LAMC3: variants seen among roughly 807,000 people sequenced by gnomAD.
The protein encoded by LAMC3 is laminin subunit gamma-3.
Under a neutral mutation model 173.8 loss-of-function variants are expected in LAMC3, and 128 were observed. The ratio of observed to expected loss-of-function variants is 0.74; its 90% CI spans 0.64 to 0.85. The LOEUF is 0.85. Ranked by LOEUF, LAMC3 falls within the 40% of genes least tolerant of loss-of-function variation. LAMC3 has a pLI of 0.00. For synonymous variants in LAMC3, 897 were observed against 909.1 expected (o/e 0.99, Z 0.24); for missense variants, 2,022 against 2,156.0 (o/e 0.94, Z 1.23).
rs61062373 is a variant in LAMC3, at chr9:131,034,939, A to ATTATTTATTTATTTAT, written c.810-1216_810-1201dup. ...TGTACTGCTGTAAACACCTGAGATG[A>ATTATTTATTTATTTAT]TTATTTATTTATTTATTTATTTATT... On this transcript the variant is annotated intron_variant, in intron 3 of 27. Coordinates refer to ENST00000361069, the MANE Select transcript of LAMC3 (RefSeq NM_006059.4). Among the ~76,000 whole-genome samples the ATTATTTATTTATTTAT allele has an allele frequency of 4.7e-3, 708 of 150,566 alleles. 4 individuals are homozygous for ATTATTTATTTATTTAT. Among genetic ancestry groups the ATTATTTATTTATTTAT allele is most frequent in the African/African-American group, 0.016 (665 of 40,916 alleles).
chr9:131,086,438 G>A (rs892616496), intron 25 of LAMC3, among the ~76,000 whole-genome samples: 1 of 144,506 alleles, frequency 6.9e-6, no homozygotes, highest in Admixed American at 6.9e-5. Context: ...TAGAGACAGG[G>A]TCTCTGTCGC....
In LAMC3 at chr9:131,087,490, G is replaced by A; in HGVS notation, c.4245G>A (p.Leu1415=). The A allele has an allele frequency of 1.2e-6, 2 of 1,613,814 alleles. No individual in the cohort carries two copies. Among genetic ancestry groups the A allele is most frequent in the Non-Finnish European group, 1.7e-6 (2 of 1,180,028 alleles). ...CCATCCCATAGCTTGCCAAGGCCTT[G>A]CTGAGGGAGCGGAAACAGGCGCACC... The part of the protein sequence containing the change: ...AKDSAKLAKA[L]LRERKQAHRR... Residue 1415 remains leucine (L), a synonymous_variant, in exon 26 of 28, where the codon TTG becomes TTA. Coordinates refer to ENST00000361069, the MANE Select transcript of LAMC3 (RefSeq NM_006059.4).
At chr9:131,066,906 T>C in intron 13 of LAMC3, 54 bp from the exon 14 acceptor site, 1 of 1,602,244 alleles carries the variant, frequency 6.2e-7, no homozygotes. Context: ...CCCACCCTCA[T>C]CCCTGGTGGG....
chr9:131,045,434 A>T (rs1834136522), intron 7 of LAMC3, 90 bp from the exon 8 acceptor site: 1 of 1,441,192 alleles, frequency 6.9e-7, no homozygotes, highest in Non-Finnish European at 9.7e-7. Flanking sequence ...GTGATTCTAG[A>T]CTCTCATTGG....
intron 2 of LAMC3, among the ~76,000 whole-genome samples, chr9:131,030,406 A>G (rs1022562114): frequency 6.6e-6 from 1 of 152,010 alleles, no homozygotes; most frequent in Admixed American, 6.6e-5. Flanking sequence ...GAGGTGGGAG[A>G]CCTTGGGCAG....
At chr9:131,024,150 CTT>C (rs34368388) in intron 1 of LAMC3, among the ~76,000 whole-genome samples, 14 of 131,470 alleles carry the variant, frequency 1.1e-4, no homozygotes, top group Non-Finnish European at 1.5e-4. Flanking sequence ...GAAGTTTTAG[CTT>C]TTTTTTTTTT....
chr9:131,038,719 T>C (rs1833987742), intron 4 of LAMC3, 145 bp from the exon 5 acceptor site: 2 of 858,366 alleles, frequency 2.3e-6, no homozygotes, highest in East Asian at 4.8e-5. Flanking sequence ...TTGATCAAGC[T>C]GGGCCTGAAC....
At chr9:131,016,358 G>T (rs1234260242) in intron 1 of LAMC3, among the ~76,000 whole-genome samples, 3 of 152,154 alleles carry the variant, frequency 2.0e-5, no homozygotes, top group African/African-American at 7.2e-5. Flanking sequence ...TGTGAGCTGT[G>T]CAAATGGGTA....
chr9:131,037,511 G>C (rs1446042176), intron 4 of LAMC3, among the ~76,000 whole-genome samples: 1 of 152,106 alleles, frequency 6.6e-6, no homozygotes, highest in South Asian at 2.1e-4. Flanking sequence ...TGCAGCTAAG[G>C]CTCTTTTCTT....
In LAMC3 at chr9:131,041,733, C is replaced by T. The variant is rs775776705; in HGVS notation, c.1380C>T (p.Asp460=). Residue 460 remains aspartate, a splice_region_variant and synonymous_variant, in exon 7 of 28, where the codon GAC becomes GAT. Coordinates refer to ENST00000361069, the MANE Select transcript of LAMC3 (RefSeq NM_006059.4). ...AGAATGTGGAAGGCAACCTATGTGA[C>T]AGGTTTGTGAGCTAATCCAGCAGTA... ...CKENVEGNLC[D]RCRPGTFNLQ... is the part of the protein sequence containing the mutation. 1.1e-5 allele frequency: 17 copies of T among 1,612,946 alleles called. 1 individual carries two copies. The South Asian group carries it at 1.6e-4, about 16-fold the overall frequency.
chr9:131,014,132 G>A (rs1333078133), intron 1 of LAMC3, among the ~76,000 whole-genome samples: 1 of 152,240 alleles, frequency 6.6e-6, no homozygotes, highest in East Asian at 1.9e-4. Flanking sequence ...ACTAATCCAG[G>A]AGATGCAGGG....
intron 23 of LAMC3, 109 bp downstream of exon 23, chr9:131,079,407 C>A: frequency 7.2e-7 from 1 of 1,379,488 alleles, no homozygotes. Context: ...AGAAGTAGCT[C>A]TGTCCGGCCG....
At chr9:131,020,841 T>TC (rs1264195382) in intron 1 of LAMC3, among the ~76,000 whole-genome samples, 5 of 151,998 alleles carry the variant, frequency 3.3e-5, no homozygotes, top group African/African-American at 7.2e-5. Flanking sequence ...CCTTTATTTT[T>TC]CCCCCCCAAA....
Position 131,075,887 on chromosome 9 carries a change from C to G in LAMC3, c.3551C>G (p.Ser1184Cys). 5 of 1,612,552 alleles carry G rather than the reference C, an allele frequency of 3.1e-6. No individual in the cohort carries two copies. The highest frequency in any genetic ancestry group is 4.2e-6 in the Non-Finnish European group (5 of 1,179,220). ...AATAWRALLA[S>C]NTSYALLWNL... ...ACTGCTTGGAGGGCCCTGCTCGCCT[C>G]CAACACCAGCTACGCGCTTCTCTGG... Residue 1184 changes from serine to cysteine, a missense_variant, in exon 21 of 28, where the codon TCC becomes TGC. Ser to Cys is a moderately radical substitution (Grantham distance 112). Coordinates refer to ENST00000361069, the MANE Select transcript of LAMC3 (RefSeq NM_006059.4).
rs531061477 is a variant in LAMC3, at chr9:131,021,796, C to T, written c.374-4489C>T. On this transcript the variant is annotated intron_variant, in intron 1 of 27. Transcript: ENST00000361069. ...CCCTTCTTTGGGTTCAATCAATTCA[C>T]TGGAGCAGCTCACAGAACTCAGGGT... Among the ~76,000 whole-genome samples the T allele has an allele frequency of 5.9e-5, 9 of 152,310 alleles. No homozygotes were observed. In the South Asian group the frequency reaches 1.9e-3, roughly 32 times the overall value.
At chr9:131,023,742 G>A (rs1376235781) in intron 1 of LAMC3, among the ~76,000 whole-genome samples, 1 of 152,122 alleles carries the variant, frequency 6.6e-6, no homozygotes, top group East Asian at 1.9e-4. Flanking sequence ...CAAGCAGCTT[G>A]GAGGCACGGG....
chr9:131,045,497 C>A (rs373672527), intron 7 of LAMC3, 27 bp from the exon 8 acceptor site: 1 of 1,612,690 alleles, frequency 6.2e-7, no homozygotes, highest in Non-Finnish European at 8.5e-7. Context: ...ACGTGGCCCT[C>A]GTGGGCATGT....
intron 6 of LAMC3, among the ~76,000 whole-genome samples, chr9:131,040,892 C>G (rs1392788338): frequency 6.6e-6 from 1 of 152,164 alleles, no homozygotes; most frequent in African/African-American, 2.4e-5. Flanking sequence ...TCTGCGTGAT[C>G]TGTCTGTCTA....
At chr9:131,064,739 A>G (rs1674461265) in intron 13 of LAMC3, among the ~76,000 whole-genome samples, 1 of 149,836 alleles carries the variant, frequency 6.7e-6, no homozygotes, top group East Asian at 2.0e-4. Flanking sequence ...AGGAACATGA[A>G]AAAAACATGT....
Sources: gnomAD v4.1 joint callset for allele counts (sites outside exome capture counted in the v4.1 genomes callset) on GRCh38, gnomAD v4.1.1 for gene constraint, MANE v1.5 for transcripts, NCBI Gene and HGNC (gene_info 2026-07-23, HGNC 2026-07-21) for gene names.